Variants in PIK3C2G observed in about 807,000 individuals in gnomAD.
PIK3C2G encodes the protein phosphatidylinositol 3-kinase C2 domain-containing subunit gamma.
A neutral mutation model predicts 181.1 loss-of-function variants in PIK3C2G; 168 were observed. That is an observed-to-expected ratio of 0.93 (90% CI 0.82 to 1.05). The LOEUF is 1.05. PIK3C2G is among the 50% of genes least tolerant of loss of function. PIK3C2G has a pLI of 0.00. For missense variants in PIK3C2G, 1,869 were observed against 1,732.8 expected, an observed-to-expected ratio of 1.08 and a Z score of -1.40; for synonymous variants, 573 against 592.2, an observed-to-expected ratio of 0.97 and a Z score of 0.47.
At chr12:18,542,501 C>A (rs761074599) in intron 25 of PIK3C2G, among the ~76,000 whole-genome samples, 2 of 151,758 alleles carry the variant, frequency 1.3e-5, no homozygotes, top group Non-Finnish European at 2.9e-5. Context: ...ATTATTTCAT[C>A]GCCCAGGTAT....
chr12:18,548,591 G>A (rs74068073), intron 26 of PIK3C2G, among the ~76,000 whole-genome samples: 4,425 of 152,006 alleles, frequency 0.029, 227 homozygotes, highest in African/African-American at 0.1. Context: ...ATGAACTAAC[G>A]TGGAAGTAGA....
At chr12:18,376,165 T>C (rs1227680785) in intron 13 of PIK3C2G, among the ~76,000 whole-genome samples, 1 of 152,166 alleles carries the variant, frequency 6.6e-6, no homozygotes, top group African/African-American at 2.4e-5. Context: ...CTCCAGATTC[T>C]GGAATGGTAG....
intron 1 of PIK3C2G, among the ~76,000 whole-genome samples, chr12:18,274,709 T>C (rs573088885): frequency 7.9e-5 from 12 of 152,180 alleles, no homozygotes; most frequent in Admixed American, 2.0e-4. Context: ...TGCTAAATGA[T>C]GAGTTAATGG....
intron 26 of PIK3C2G, among the ~76,000 whole-genome samples, chr12:18,556,003 C>G (rs573353493): frequency 3.9e-5 from 6 of 152,100 alleles, no homozygotes; most frequent in Non-Finnish European, 2.9e-5. Context: ...AGTGTACTAC[C>G]TGCCAAGGGA....
intron 1 of PIK3C2G, among the ~76,000 whole-genome samples, chr12:18,252,313 T>C (rs1215105875): frequency 1.3e-5 from 2 of 152,148 alleles, no homozygotes; most frequent in African/African-American, 4.8e-5. Context: ...CAGTATATTC[T>C]CTGTCAGACA....
At position 18,286,805 on chromosome 12, in the gene PIK3C2G, C is replaced by A. The variant is rs151334171; in HGVS notation, c.679-42C>A. ...AAATTGTAGAATTATTTAATAGTTT[C>A]TCTTCTCCAAATTATATTAATTTAG... On this transcript the variant is annotated intron_variant, in intron 2 of 32. Transcript: ENST00000538779. 8.0e-5 allele frequency: 82 copies of A among 1,019,176 alleles called. No individual in the cohort carries two copies. The East Asian group carries it at 2.2e-3, about 27-fold the overall frequency. 63.1% of individuals were successfully genotyped at this position (1,019,176 alleles called of 1,614,324 possible).
In PIK3C2G at chr12:18,609,561, A is replaced by G; in HGVS notation, c.4114A>G (p.Lys1372Glu). 6.3e-7 allele frequency: 1 copy of G among 1,586,370 alleles called. No individual in the cohort carries two copies. Among genetic ancestry groups the G allele is most frequent in the South Asian group, 1.2e-5 (1 of 86,872 alleles). ...TGAGAAGTTTCCAGACAAGAAGCCTAAGGTGCAGTTAGTCATATCCTACGA... is the reference window on the plus strand; with the variant it reads ...TGAGAAGTTTCCAGACAAGAAGCCTGAGGTGCAGTTAGTCATATCCTACGA... ...LGEKFPDKKP[K>E]VQLVISYEDV... Residue 1372 changes from lysine (K) to glutamate (E), a missense_variant, in exon 31 of 33, where the codon AAG (lysine) becomes GAG (glutamate). By Grantham distance (56) the Lys-to-Glu change is moderately conservative. Transcript: ENST00000538779.
intron 11 of PIK3C2G, among the ~76,000 whole-genome samples, chr12:18,356,507 C>T (rs1940747493): frequency 6.6e-6 from 1 of 152,154 alleles, no homozygotes; most frequent in African/African-American, 2.4e-5. Flanking sequence ...ACACTTTTAG[C>T]TTTGCCATCC....
In PIK3C2G at chr12:18,325,485, G is replaced by C. The variant is rs973781668; in HGVS notation, c.1272+387G>C. Reference sequence around the variant, plus strand: ...GCACTTTGGGAGTCCGAGGTGTGCAGATCACGAGGTCAAGAGATCGAGACC... The same window carrying C: ...GCACTTTGGGAGTCCGAGGTGTGCACATCACGAGGTCAAGAGATCGAGACC... On this transcript the variant is annotated intron_variant, in intron 8 of 32. Transcript: ENST00000538779. Among the ~76,000 whole-genome samples, 5 of 152,212 alleles carry C rather than the reference G, an allele frequency of 3.3e-5. No homozygotes were observed. In the South Asian group the frequency reaches 1.0e-3, roughly 32 times the overall value.
the PIK3C2G span, among the ~76,000 whole-genome samples, chr12:18,715,287 C>T: frequency 6.7e-6 from 1 of 149,130 alleles, no homozygotes; most frequent in Non-Finnish European, 1.5e-5. Flanking sequence ...GGAAGTAAGG[C>T]TTTAGAGAGA....
the PIK3C2G span, chr12:18,694,961 G>T: frequency 6.2e-7 from 1 of 1,605,730 alleles, no homozygotes; most frequent in Non-Finnish European, 8.5e-7. Flanking sequence ...TTGGGTTAAA[G>T]TATGATTTAC....
intron 1 of PIK3C2G, among the ~76,000 whole-genome samples, chr12:18,251,519 A>G (rs138691596): frequency 5.3e-5 from 8 of 152,196 alleles, no homozygotes; most frequent in Non-Finnish European, 8.8e-5. Flanking sequence ...AGTGTAGCCT[A>G]TAGTATCACA....
chr12:18,322,969 G>A (rs1321481996), intron 7 of PIK3C2G, among the ~76,000 whole-genome samples: 1 of 152,102 alleles, frequency 6.6e-6, no homozygotes, highest in Non-Finnish European at 1.5e-5. Context: ...CCTCAAATAT[G>A]GGAAGTTTTT....
chr12:18,281,724 G>A (rs979793396), intron 1 of PIK3C2G, among the ~76,000 whole-genome samples: 4 of 151,994 alleles, frequency 2.6e-5, no homozygotes, highest in African/African-American at 7.2e-5. Context: ...TAGAAAAAGA[G>A]AATATTGACT....
chr12:18,563,459 G>T lies in PIK3C2G; in HGVS notation c.3863G>T (p.Ser1288Ile), dbSNP rs1365585848. Residue 1288 changes from serine (S) to isoleucine (I), a missense_variant, in exon 28 of 33, where the codon AGC (serine) becomes ATC (isoleucine). Ser to Ile is a moderately radical substitution (Grantham distance 142). Coordinates refer to ENST00000538779, the MANE Select transcript of PIK3C2G (RefSeq NM_001288772.2). ...TTTGAGCAGTTTTCAAAACTTCACA[G>T]CCAACTTCAGAAGCAGTTTGCATCA... ...KSFEQFSKLH[S>I]QLQKQFASLT... The T allele has an allele frequency of 6.2e-7, 1 of 1,613,664 alleles. No homozygotes were observed. Among genetic ancestry groups the T allele is most frequent in the Non-Finnish European group, 8.5e-7 (1 of 1,179,736 alleles).
At chr12:18,563,934 C>T (rs1019843001) in intron 28 of PIK3C2G, among the ~76,000 whole-genome samples, 3 of 149,454 alleles carry the variant, frequency 2.0e-5, no homozygotes, top group African/African-American at 7.3e-5. Flanking sequence ...TATTAATATA[C>T]ATATTTAATT....
chr12:18,665,257 G>T, the PIK3C2G span, among the ~76,000 whole-genome samples: 8 of 152,088 alleles, frequency 5.3e-5, no homozygotes, highest in African/African-American at 1.7e-4. Context: ...TGTTTAAAGG[G>T]TATATAGACT....
chr12:18,423,152 T>A (rs1324136722), intron 17 of PIK3C2G, among the ~76,000 whole-genome samples: 71 of 131,218 alleles, frequency 5.4e-4, no homozygotes, highest in Admixed American at 4.2e-3. Flanking sequence ...AGAGAGTGTG[T>A]GTGTGTGTGT....
intron 5 of PIK3C2G, among the ~76,000 whole-genome samples, 195 bp downstream of exon 5, chr12:18,294,210 C>G (rs1949838162): frequency 6.6e-6 from 1 of 152,016 alleles, no homozygotes; most frequent in Admixed American, 6.6e-5. Context: ...TATATTATGA[C>G]TACTTATGAA....
Sources: gnomAD v4.1 joint callset for allele counts (sites outside exome capture counted in the v4.1 genomes callset) on GRCh38, gnomAD v4.1.1 for gene constraint, MANE v1.5 for transcripts, NCBI Gene and HGNC (gene_info 2026-07-23, HGNC 2026-07-21) for gene names.